LRP1B: variants seen among roughly 807,000 people sequenced by gnomAD.
LRP1B encodes the protein LDL receptor related protein 1B.
In LRP1B, 217 loss-of-function variants were observed where a neutral mutation model predicts 556.6. That is an observed-to-expected ratio of 0.39 (90% CI 0.35 to 0.44). The LOEUF is 0.44. Among genes scored for constraint, LRP1B ranks in the 20% least tolerant of loss-of-function variants. LRP1B has a pLI of 1.00. For missense variants in LRP1B, 5,053 were observed against 5,620.8 expected, an observed-to-expected ratio of 0.90 and a Z score of 3.23; for synonymous variants, 2,047 against 1,865.8, an observed-to-expected ratio of 1.10 and a Z score of -2.50.
chr2:140,323,428 A>ACAAGT (rs1680267981), intron 81 of LRP1B, among the ~76,000 whole-genome samples: 1 of 151,956 alleles, frequency 6.6e-6, no homozygotes, highest in Admixed American at 6.6e-5. Flanking sequence ...GTAAGAGTCA[A>ACAAGT]AATGGCTAAC....
At chr2:142,031,521 A>G (rs1574614169) in intron 1 of LRP1B, among the ~76,000 whole-genome samples, 1 of 122,818 alleles carries the variant, frequency 8.1e-6, no homozygotes, top group Non-Finnish European at 1.6e-5. Context: ...AGAGTGTGAT[A>G]TTCCCCTTCC....
chr2:141,929,637 T>G (rs749289410), intron 1 of LRP1B, among the ~76,000 whole-genome samples: 1 of 152,094 alleles, frequency 6.6e-6, no homozygotes, highest in Admixed American at 6.6e-5. Context: ...ACTTTCACTA[T>G]CATTTTTATT....
At chr2:140,835,819 G>A (rs375255598) in intron 31 of LRP1B, among the ~76,000 whole-genome samples, 9 of 152,178 alleles carry the variant, frequency 5.9e-5, no homozygotes, top group East Asian at 5.8e-4. Flanking sequence ...GATTACAGGC[G>A]TGAACCACCG....
At chr2:140,663,139 C>T (rs1685155494) in intron 41 of LRP1B, among the ~76,000 whole-genome samples, 1 of 152,128 alleles carries the variant, frequency 6.6e-6, no homozygotes. Flanking sequence ...TGTAACTTAT[C>T]AACCAACAGA....
rs1015039704 is a variant in LRP1B at position 141,226,080 on chromosome 2, C to A, written c.850+3103G>T. On this transcript the variant is annotated intron_variant, in intron 6 of 90. Coordinates refer to ENST00000389484, the MANE Select transcript of LRP1B (RefSeq NM_018557.3). The stretch of plus-strand genomic sequence containing the variant: ...CCAAATGCAAACCTACCTAATTATG[C>A]TGTGTACAATTATCTAACTGCTCAG... Among the ~76,000 whole-genome samples, 3 of 151,292 alleles carry A rather than the reference C, an allele frequency of 2.0e-5. No homozygotes were observed. In the East Asian group the frequency reaches 5.8e-4, roughly 29 times the overall value.
chr2:140,737,671 T>G (rs1424652478), intron 35 of LRP1B, among the ~76,000 whole-genome samples: 1 of 152,148 alleles, frequency 6.6e-6, no homozygotes, highest in Non-Finnish European at 1.5e-5. Flanking sequence ...TGGTCAAGAC[T>G]GTAAAAACTA....
intron 1 of LRP1B, among the ~76,000 whole-genome samples, chr2:141,844,745 T>C (rs1697587001): frequency 1.3e-5 from 2 of 152,064 alleles, no homozygotes; most frequent in South Asian, 4.1e-4. Context: ...TGTGTCAAAC[T>C]ACTATAAAGT....
At chr2:140,987,678 C>T (rs1266449029) in intron 17 of LRP1B, among the ~76,000 whole-genome samples, 1 of 152,000 alleles carries the variant, frequency 6.6e-6, no homozygotes, top group East Asian at 1.9e-4. Context: ...TGAATTGAAT[C>T]TTAACCTCAA....
chr2:140,233,664 T>C (rs1426884707), intron 90 of LRP1B, among the ~76,000 whole-genome samples: 2 of 151,416 alleles, frequency 1.3e-5, no homozygotes, highest in East Asian at 3.9e-4. Context: ...TAAATTGTCA[T>C]GTTTTCAGTT....
chr2:140,293,180 A>G (rs1271632523), intron 84 of LRP1B, among the ~76,000 whole-genome samples: 1 of 152,178 alleles, frequency 6.6e-6, no homozygotes, highest in African/African-American at 2.4e-5. Flanking sequence ...TATTCCTTAG[A>G]CACAGATCCA....
intron 1 of LRP1B, among the ~76,000 whole-genome samples, chr2:141,911,575 A>T (rs1462098159): frequency 2.0e-5 from 3 of 152,184 alleles, no homozygotes; most frequent in Non-Finnish European, 4.4e-5. Flanking sequence ...TCTTTTCAAG[A>T]AACTACACTC....
chr2:141,192,559 A>G (rs898926823), intron 6 of LRP1B, among the ~76,000 whole-genome samples: 5 of 151,834 alleles, frequency 3.3e-5, no homozygotes, highest in African/African-American at 1.2e-4. Context: ...AATTTTAAAT[A>G]TTTTCTTCTT....
chr2:141,309,718 T>C lies in LRP1B; in HGVS notation c.344-55077A>G, dbSNP rs370209808. On this transcript the variant is annotated intron_variant, in intron 3 of 90. Coordinates refer to ENST00000389484, the MANE Select transcript of LRP1B (RefSeq NM_018557.3). ...ACATACACCAGGGCCAGTTCGGGGGTAGAGGGTGAGGGGAGGGAACTTGGG... is the reference window on the plus strand; with the variant it reads ...ACATACACCAGGGCCAGTTCGGGGGCAGAGGGTGAGGGGAGGGAACTTGGG... Among the ~76,000 whole-genome samples, 22 of 151,428 alleles carry C rather than the reference T, an allele frequency of 1.5e-4. 2 individuals are homozygous for C. The South Asian group carries it at 4.6e-3, about 32-fold the overall frequency.
intron 83 of LRP1B, 38 bp downstream of exon 83, chr2:140,314,897 G>A: frequency 2.0e-6 from 3 of 1,501,368 alleles, no homozygotes; most frequent in Non-Finnish European, 2.7e-6. Context: ...AAGGAAAAGT[G>A]AAAAAGATGT....
At chr2:140,389,745 T>TTATATATTATA (rs142083416) in intron 66 of LRP1B, among the ~76,000 whole-genome samples, 8 of 147,368 alleles carry the variant, frequency 5.4e-5, no homozygotes, top group African/African-American at 1.7e-4. Flanking sequence ...ATATATAGTT[T>TTATATATTATA]TATATATATA....
At chr2:141,493,222 GTTTC>G (rs764002471) in intron 2 of LRP1B, among the ~76,000 whole-genome samples, 5 of 152,076 alleles carry the variant, frequency 3.3e-5, no homozygotes, top group Admixed American at 2.0e-4. Context: ...TCAAAACCTG[GTTTC>G]TTTATTACTG....
intron 1 of LRP1B, among the ~76,000 whole-genome samples, chr2:141,978,558 A>C (rs190249508): frequency 9.2e-5 from 14 of 152,138 alleles, no homozygotes; most frequent in Non-Finnish European, 1.6e-4. Flanking sequence ...TTTCAAAAGA[A>C]AATTTTTATC....
chr2:141,229,073 T>C (rs772150183), intron 6 of LRP1B, 110 bp downstream of exon 6: 2 of 1,075,592 alleles, frequency 1.9e-6, no homozygotes, highest in Non-Finnish European at 2.8e-6. Flanking sequence ...TATTTGCACA[T>C]ACAGCTTTCC....
At chr2:141,699,339 TTC>T (rs1691851261) in intron 2 of LRP1B, among the ~76,000 whole-genome samples, 1 of 151,832 alleles carries the variant, frequency 6.6e-6, no homozygotes, top group Non-Finnish European at 1.5e-5. Context: ...TTATTTAGCA[TTC>T]TCTGTGTTAC....
Sources: allele counts gnomAD v4.1 joint callset (sites outside exome capture counted in the v4.1 genomes callset), GRCh38; gene constraint gnomAD v4.1.1; transcripts MANE v1.5; gene names NCBI Gene and HGNC (gene_info 2026-07-23, HGNC 2026-07-21).